CIP2A: variants seen among roughly 807,000 people sequenced by gnomAD.
CIP2A encodes cellular inhibitor of PP2A.
CIP2A carries 103 observed loss-of-function variants against 110.9 expected under a neutral mutation model. The ratio of observed to expected loss-of-function variants is 0.93; its 90% CI spans 0.79 to 1.09. The LOEUF is 1.09. Ranked by LOEUF, CIP2A falls within the 50% of genes least tolerant of loss-of-function variation. The pLI is 0.00. For missense variants in CIP2A, 1,088 were observed against 1,038.4 expected (o/e 1.05, Z -0.66); for synonymous variants, 381 against 361.6 (o/e 1.05, Z -0.61).
intron 13 of CIP2A, 23 bp downstream of exon 13, chr3:108,563,103 C>A: frequency 1.4e-6 from 2 of 1,441,996 alleles, no homozygotes; most frequent in Non-Finnish European, 2.0e-6. Context: ...ACAAGAGATA[C>A]ACTGCAAATG....
chr3:108,559,784 G>A lies in CIP2A; in HGVS notation c.1986C>T (p.Arg662=). The change falls in exon 16 of 21, where the codon CGC becomes CGT. Residue 662 remains arginine (R), a synonymous_variant. Transcript: ENST00000295746. The stretch of plus-strand genomic sequence containing the variant: ...CTGTTTCAGCTTGAGTTCTTTGACA[G>A]CGATGCTGAGCAATCAGTCTATCAG... The part of the protein sequence containing the change: ...AQADRLIAQH[R]CQRTQAETEA... 1 of 1,588,524 alleles carries A rather than the reference G, an allele frequency of 6.3e-7. No individual in the cohort carries two copies. Among genetic ancestry groups the A allele is most frequent in the Non-Finnish European group, 8.6e-7 (1 of 1,161,152 alleles).
chr3:108,577,313 T>G (rs1463531472), intron 7 of CIP2A, among the ~76,000 whole-genome samples: 1 of 152,142 alleles, frequency 6.6e-6, no homozygotes, highest in African/African-American at 2.4e-5. Context: ...GAAAAAGTTT[T>G]GAGCATATTT....
chr3:108,568,031 AT>A, intron 10 of CIP2A, 123 bp downstream of exon 10: 1 of 655,952 alleles, frequency 1.5e-6, no homozygotes, highest in Non-Finnish European at 2.4e-6. Flanking sequence ...TAGTTCAGTA[AT>A]TCTAGATAAA....
At chr3:108,553,896 T>TAAAAAAA (rs71103478) in intron 18 of CIP2A, among the ~76,000 whole-genome samples, 166 bp from the exon 19 acceptor site, 3 of 84,196 alleles carry the variant, frequency 3.6e-5, no homozygotes, top group Admixed American at 1.3e-4. Flanking sequence ...ACTAAAAATA[T>TAAAAAAA]AAAAAAAAAA....
intron 5 of CIP2A, among the ~76,000 whole-genome samples, chr3:108,579,913 T>A (rs1431707462): frequency 6.6e-6 from 1 of 152,156 alleles, no homozygotes; most frequent in African/African-American, 2.4e-5. Flanking sequence ...AAAAAAATAA[T>A]TTGGTAAATG....
chr3:108,557,450 C>G, intron 16 of CIP2A, 36 bp from the exon 17 acceptor site: 1 of 1,466,430 alleles, frequency 6.8e-7, no homozygotes, highest in Non-Finnish European at 9.3e-7. Flanking sequence ...TTACCACTAT[C>G]ATCTATATCA....
intron 18 of CIP2A, 150 bp downstream of exon 18, chr3:108,554,226 G>T: frequency 2.0e-6 from 1 of 506,698 alleles, no homozygotes; most frequent in East Asian, 3.4e-5. Flanking sequence ...AACAGCAATT[G>T]CCTGTAACTT....
intron 1 of CIP2A, 125 bp from the exon 2 acceptor site, chr3:108,585,337 C>A (rs546491672): frequency 3.5e-6 from 3 of 845,780 alleles, no homozygotes; most frequent in Non-Finnish European, 5.3e-6. Context: ...AAAATTCACA[C>A]ATGCTGTGAA....
At chr3:108,572,520 T>C (rs1938434683) in intron 8 of CIP2A, among the ~76,000 whole-genome samples, 1 of 152,040 alleles carries the variant, frequency 6.6e-6, no homozygotes, top group Admixed American at 6.6e-5. Flanking sequence ...CTCCATTATG[T>C]TCCACTGGGC....
At chr3:108,555,118 G>A (rs964013270) in intron 17 of CIP2A, among the ~76,000 whole-genome samples, 1 of 152,094 alleles carries the variant, frequency 6.6e-6, no homozygotes, top group Non-Finnish European at 1.5e-5. Flanking sequence ...CTTTTCCCCA[G>A]CCAGCTTCAT....
Position 108,569,623 on chromosome 3 carries a change from T to C in CIP2A, c.895-16A>G, listed in dbSNP as rs1432931129. On this transcript the variant is annotated splice_polypyrimidine_tract_variant and intron_variant, in intron 8 of 20. Coordinates refer to ENST00000295746, the MANE Select transcript of CIP2A (RefSeq NM_020890.3). ...ATTCTAAAACCTGTGCAATATAAAG[T>C]GTTCATTAAACATCAATTTCACAGA... The C allele has an allele frequency of 1.3e-6, 2 of 1,589,974 alleles. No individual in the cohort carries two copies. The highest frequency in any genetic ancestry group is 2.2e-5 in the East Asian group (1 of 44,452).
intron 5 of CIP2A, 38 bp downstream of exon 5, chr3:108,581,377 A>G: frequency 7.1e-7 from 1 of 1,401,506 alleles, no homozygotes; most frequent in Non-Finnish European, 1.0e-6. Context: ...AGAATCTACC[A>G]TAAAACAAGA....
chr3:108,576,244 T>C, intron 8 of CIP2A, 27 bp downstream of exon 8: 2 of 1,434,240 alleles, frequency 1.4e-6, no homozygotes, highest in Non-Finnish European at 1.9e-6. Context: ...TTTAAAAGTT[T>C]AAATGAAAAG....
intron 14 of CIP2A, 149 bp from the exon 15 acceptor site, chr3:108,560,177 T>G: frequency 1.7e-6 from 1 of 580,744 alleles, no homozygotes; most frequent in South Asian, 2.3e-5. Context: ...GTCACAAATA[T>G]TTCTTTTTTT....
At chr3:108,581,739 TG>T (rs1484659257) in intron 4 of CIP2A, among the ~76,000 whole-genome samples, 4 of 152,166 alleles carry the variant, frequency 2.6e-5, no homozygotes, top group Non-Finnish European at 5.9e-5. Flanking sequence ...CATGAAAACA[TG>T]GAAGTAACTG....
chr3:108,574,404 C>CT (rs1035700930), intron 8 of CIP2A, among the ~76,000 whole-genome samples: 1 of 152,252 alleles, frequency 6.6e-6, no homozygotes, highest in East Asian at 1.9e-4. Context: ...GTCCAACTGA[C>CT]TTTTTTTGAA....
intron 1 of CIP2A, among the ~76,000 whole-genome samples, chr3:108,586,062 T>A (rs186479214): frequency 1.3e-5 from 2 of 152,302 alleles, no homozygotes; most frequent in East Asian, 3.9e-4. Context: ...AAACCATTAG[T>A]TACCTTAGAA....
At chr3:108,571,617 C>T (rs1174320474) in intron 8 of CIP2A, among the ~76,000 whole-genome samples, 1 of 152,046 alleles carries the variant, frequency 6.6e-6, no homozygotes, top group African/African-American at 2.4e-5. Context: ...TTAATGTACA[C>T]ATATAAAAGT....
Position 108,560,840 on chromosome 3 carries a change from G to C in CIP2A, c.1636C>G (p.Leu546Val). The change falls in exon 14 of 21, where the codon CTT (leucine) becomes GTT (valine). Residue 546 changes from leucine (L) to valine (V), a missense_variant and splice_region_variant. Coordinates refer to ENST00000295746, the MANE Select transcript of CIP2A (RefSeq NM_020890.3). Reference protein sequence around the residue: ...APLPDFPALVLGESIAANNAY... With the variant: ...APLPDFPALVVGESIAANNAY... ...TTGTTTGCTGCTATACTTTCTCCAA[G>C]TCTGAATGGGAGTCAAAGAAAGGAA... is the stretch of plus-strand genomic sequence containing the variant. 6.5e-7 allele frequency: 1 copy of C among 1,543,778 alleles called. No individual in the cohort carries two copies. Among genetic ancestry groups the C allele is most frequent in the South Asian group, 1.3e-5 (1 of 78,334 alleles).
Sources: gnomAD v4.1 joint callset for allele counts (sites outside exome capture counted in the v4.1 genomes callset) on GRCh38, gnomAD v4.1.1 for gene constraint, MANE v1.5 for transcripts, NCBI Gene and HGNC (gene_info 2026-07-23, HGNC 2026-07-21) for gene names.